Variants in EYS observed in about 807,000 individuals in gnomAD.
EYS encodes protein eyes shut homolog.
In EYS, 250 loss-of-function variants were observed where a neutral mutation model predicts 282.1. The observed-to-expected ratio is 0.89, with a 90% CI of 0.80 to 0.98. The LOEUF (loss-of-function observed/expected upper bound fraction) is 0.98, where lower values mean the gene tolerates loss of function less well. EYS is among the 50% of genes least tolerant of loss of function. The probability of loss-of-function intolerance (pLI) is 0.00; values close to 1 mark genes in which losing one functional copy is unlikely to be tolerated. For synonymous variants in EYS, 1,355 were observed against 1,282.9 expected, an observed-to-expected ratio of 1.06 and a Z score of -1.20; for missense variants, 4,016 against 3,709.0, an observed-to-expected ratio of 1.08 and a Z score of -2.15.
intron 35 of EYS, among the ~76,000 whole-genome samples, chr6:63,978,326 G>C (rs1766938961): frequency 6.6e-6 from 1 of 151,928 alleles, no homozygotes; most frequent in African/African-American, 2.4e-5. Context: ...GAGATGTTTG[G>C]AGGTTCACTG....
intron 12 of EYS, among the ~76,000 whole-genome samples, chr6:65,073,164 T>C (rs980274372): frequency 4.0e-5 from 6 of 151,606 alleles, no homozygotes; most frequent in African/African-American, 1.5e-4. Flanking sequence ...ATGTAGCAGA[T>C]AAAAAACAGC....
At chr6:65,078,441 C>T (rs1774124081) in intron 12 of EYS, among the ~76,000 whole-genome samples, 1 of 151,684 alleles carries the variant, frequency 6.6e-6, no homozygotes, top group Non-Finnish European at 1.5e-5. Context: ...AGCAAGATTG[C>T]CAAGAAGAAA....
chr6:64,348,137 C>T (rs548536539), intron 29 of EYS, among the ~76,000 whole-genome samples: 66 of 151,484 alleles, frequency 4.4e-4, no homozygotes, highest in Middle Eastern at 3.4e-3. Flanking sequence ...TATTTTAATA[C>T]TAATAGCAAT....
intron 28 of EYS, among the ~76,000 whole-genome samples, chr6:64,430,422 G>T (rs1250980692): frequency 6.6e-6 from 1 of 152,136 alleles, no homozygotes; most frequent in African/African-American, 2.4e-5. Flanking sequence ...AATCTGACAT[G>T]CTAAGCATTT....
At chr6:65,590,412 TA>T (rs1201732410) in intron 2 of EYS, among the ~76,000 whole-genome samples, 1 of 152,110 alleles carries the variant, frequency 6.6e-6, no homozygotes, top group Non-Finnish European at 1.5e-5. Flanking sequence ...AATACATGTA[TA>T]AAATATGTAA....
At position 63,788,243 on chromosome 6, in the gene EYS, C is replaced by T. The variant is rs1230404004; in HGVS notation, c.7585G>A (p.Asp2529Asn). The part of the protein sequence containing the change: ...FFQEGWLKVD[D>N]HKNKSIIAPG... ...GCGATAATGGATTTATTTTTATGAT[C>T]ATCTACCTTCGAAAGGGAAAAAAAA... Residue 2529 changes from aspartate (D) to asparagine (N), a missense_variant, in exon 39 of 43, where the codon GAT (aspartate) becomes AAT (asparagine). By Grantham distance (23) the Asp-to-Asn change is conservative (BLOSUM62 1). Transcript: ENST00000503581. The T allele has an allele frequency of 1.3e-6, 2 of 1,530,784 alleles. No individual in the cohort carries two copies. The highest frequency in any genetic ancestry group is 2.2e-5 in the Admixed American group (1 of 45,250). 94.8% of individuals were successfully genotyped at this position (1,530,784 alleles called of 1,614,324 possible). A position where few individuals can be genotyped will look rare whatever the true frequency, so the allele number is the denominator to read the frequency against.
At chr6:65,613,179 T>G (rs144396632) in intron 2 of EYS, among the ~76,000 whole-genome samples, 2,026 of 152,020 alleles carry the variant, frequency 0.013, 32 homozygotes, top group African/African-American at 0.045. Context: ...TAACAGTACA[T>G]GCAAAATCAC....
intron 12 of EYS, among the ~76,000 whole-genome samples, chr6:65,186,502 C>T (rs908660174): frequency 1.3e-5 from 2 of 151,704 alleles, no homozygotes; most frequent in African/African-American, 2.4e-5. Flanking sequence ...CTATTTAATA[C>T]AGTTCCTTAC....
At chr6:65,500,966 C>T (rs1268199476) in intron 2 of EYS, among the ~76,000 whole-genome samples, 1 of 151,874 alleles carries the variant, frequency 6.6e-6, no homozygotes, top group Non-Finnish European at 1.5e-5. Context: ...CAGCTACTTA[C>T]AAATGTATAA....
chr6:65,207,869 A>C (rs1205920177), intron 12 of EYS, among the ~76,000 whole-genome samples: 1 of 151,946 alleles, frequency 6.6e-6, no homozygotes, highest in South Asian at 2.1e-4. Flanking sequence ...TATACAAATT[A>C]ACTCAAGATG....
At chr6:65,174,538 G>A (rs1765181677) in intron 12 of EYS, among the ~76,000 whole-genome samples, 1 of 151,200 alleles carries the variant, frequency 6.6e-6, no homozygotes. Flanking sequence ...AAAGTCAATT[G>A]ATATGTCAAC....
rs114418226 is a variant in EYS at position 64,034,331 on chromosome 6, T to C, written c.6725+32007A>G. 2.0e-5 allele frequency among the ~76,000 whole-genome samples: 3 copies of C among 152,188 alleles called. No individual in the cohort carries two copies. In the East Asian group the frequency reaches 5.8e-4, roughly 29 times the overall value. ...GCCAGAGACCAAGTACTTTTATATA[T>C]GTACTACATATATTAGCTCATAACC... On this transcript the variant is annotated intron_variant, in intron 33 of 42. Coordinates refer to ENST00000503581, the MANE Select transcript of EYS (RefSeq NM_001142800.2).
chr6:64,807,771 C>T (rs140838817), intron 22 of EYS, among the ~76,000 whole-genome samples: 3 of 152,234 alleles, frequency 2.0e-5, no homozygotes, highest in Non-Finnish European at 4.4e-5. Flanking sequence ...TATGTTACTA[C>T]ACACCTAACA....
chr6:63,962,749 G>C (rs369496164), intron 35 of EYS, among the ~76,000 whole-genome samples: 5 of 152,096 alleles, frequency 3.3e-5, no homozygotes, highest in South Asian at 2.1e-4. Context: ...CCCAGCCATC[G>C]CATTACTGGG....
intron 2 of EYS, among the ~76,000 whole-genome samples, chr6:65,500,454 T>G (rs1452846311): frequency 2.6e-5 from 4 of 152,008 alleles, no homozygotes; most frequent in Admixed American, 2.0e-4. Context: ...GGTGGTAAAC[T>G]CAGTAACTGG....
chr6:63,765,949 G>A (rs1769778683), intron 40 of EYS, among the ~76,000 whole-genome samples: 1 of 151,976 alleles, frequency 6.6e-6, no homozygotes, highest in Admixed American at 6.6e-5. Flanking sequence ...GACATGACAG[G>A]TGTATAGAAA....
At chr6:64,643,584 G>A (rs535194138) in intron 22 of EYS, among the ~76,000 whole-genome samples, 21 of 152,144 alleles carry the variant, frequency 1.4e-4, no homozygotes, top group South Asian at 6.2e-4. Context: ...CCCCTGATAC[G>A]GTTTGGCTGT....
At chr6:64,409,661 T>G (rs755194537) in intron 28 of EYS, among the ~76,000 whole-genome samples, 1 of 152,150 alleles carries the variant, frequency 6.6e-6, no homozygotes, top group Non-Finnish European at 1.5e-5. Context: ...GCTCTTATTA[T>G]TTTGGGCGCA....
At chr6:64,907,480 A>G (rs1178160253) in intron 16 of EYS, among the ~76,000 whole-genome samples, 1 of 152,184 alleles carries the variant, frequency 6.6e-6, no homozygotes, top group East Asian at 1.9e-4. Flanking sequence ...CCATAAACAT[A>G]TGAATAAAAA....
Sources: gnomAD v4.1 joint callset for allele counts (sites outside exome capture counted in the v4.1 genomes callset) on GRCh38, gnomAD v4.1.1 for gene constraint, MANE v1.5 for transcripts, NCBI Gene and HGNC (gene_info 2026-07-23, HGNC 2026-07-21) for gene names.